Variants in LRP1B observed in about 807,000 individuals in gnomAD.
LRP1B encodes the protein low-density lipoprotein receptor-related protein 1B.
LRP1B carries 217 observed loss-of-function variants against 556.6 expected under a neutral mutation model. That is an observed-to-expected ratio of 0.39 (90% CI 0.35 to 0.44). The LOEUF is 0.44. Ranked by LOEUF, LRP1B falls within the 20% of genes least tolerant of loss-of-function variation. The pLI is 1.00. For synonymous variants in LRP1B, 2,047 were observed against 1,865.8 expected (o/e 1.10, Z -2.50); for missense variants, 5,053 against 5,620.8 (o/e 0.90, Z 3.23).
rs187853977 is a variant in LRP1B, at chr2:141,149,459, C to G, written c.1013+38962G>C. On this transcript the variant is annotated intron_variant, in intron 7 of 90. Coordinates refer to ENST00000389484, the MANE Select transcript of LRP1B (RefSeq NM_018557.3). ...GAACTTAATCTTCTCAATGGTTTAC[C>G]TTTATTTCAAGTGAGAGAAGACGGT... is the stretch of plus-strand genomic sequence containing the variant. Among the ~76,000 whole-genome samples, 345 of 152,244 alleles carry G rather than the reference C, an allele frequency of 2.3e-3. 2 individuals carry two copies. The highest frequency in any genetic ancestry group is 7.6e-3 in the African/African-American group (314 of 41,558).
chr2:140,336,255 T>C (rs1461540340), intron 77 of LRP1B, among the ~76,000 whole-genome samples: 1 of 152,040 alleles, frequency 6.6e-6, no homozygotes, highest in Non-Finnish European at 1.5e-5. Flanking sequence ...CTATGAAATG[T>C]ATCCTTATTT....
chr2:142,053,696 C>T (rs760925437), intron 1 of LRP1B, among the ~76,000 whole-genome samples: 2 of 152,042 alleles, frequency 1.3e-5, no homozygotes, highest in African/African-American at 2.4e-5. Context: ...AGTAGTATTT[C>T]TGGAATTGTT....
At chr2:140,293,440 C>G (rs931796410) in intron 84 of LRP1B, among the ~76,000 whole-genome samples, 1 of 152,148 alleles carries the variant, frequency 6.6e-6, no homozygotes, top group Admixed American at 6.6e-5. Context: ...CCTCTCCTCC[C>G]TGGGCTGCTG....
intron 1 of LRP1B, among the ~76,000 whole-genome samples, chr2:141,881,682 GT>G (rs1698962250): frequency 1.3e-5 from 2 of 151,742 alleles, no homozygotes; most frequent in Admixed American, 1.3e-4. Context: ...AACATTGCAG[GT>G]TTAGAAAAAC....
intron 1 of LRP1B, among the ~76,000 whole-genome samples, chr2:141,969,612 C>T (rs1248906294): frequency 2.6e-5 from 4 of 151,502 alleles, no homozygotes; most frequent in African/African-American, 9.7e-5. Flanking sequence ...AATAGTATTC[C>T]ACTGTGTTTC....
intron 7 of LRP1B, among the ~76,000 whole-genome samples, chr2:141,094,493 A>G (rs1700246293): frequency 6.6e-6 from 1 of 152,160 alleles, no homozygotes; most frequent in African/African-American, 2.4e-5. Flanking sequence ...GGCACAAAGG[A>G]TTTTAAGTGA....
intron 2 of LRP1B, among the ~76,000 whole-genome samples, chr2:141,560,324 A>T (rs1048801013): frequency 6.6e-6 from 1 of 151,760 alleles, no homozygotes; most frequent in African/African-American, 2.4e-5. Flanking sequence ...AGAGGGTGTG[A>T]TACTTTTTAA....
chr2:141,327,346 G>A (rs1049197769), intron 3 of LRP1B, among the ~76,000 whole-genome samples: 3 of 152,132 alleles, frequency 2.0e-5, no homozygotes, highest in Admixed American at 1.3e-4. Flanking sequence ...TAGTGTAATC[G>A]TGCCAATGGT....
chr2:140,719,537 A>T (rs901920262), intron 35 of LRP1B, among the ~76,000 whole-genome samples: 2 of 152,080 alleles, frequency 1.3e-5, no homozygotes, highest in African/African-American at 4.8e-5. Flanking sequence ...TCTTGAACAT[A>T]TCTTTGTCAT....
At chr2:140,579,974 C>T (rs1488082851) in intron 43 of LRP1B, among the ~76,000 whole-genome samples, 1 of 152,184 alleles carries the variant, frequency 6.6e-6, no homozygotes, top group Non-Finnish European at 1.5e-5. Context: ...CCTATATATG[C>T]AAATGGAGAA....
intron 85 of LRP1B, 41 bp from the exon 86 acceptor site, chr2:140,270,387 G>C (rs1682403384): frequency 8.0e-7 from 1 of 1,248,448 alleles, no homozygotes; most frequent in African/African-American, 1.5e-5. Flanking sequence ...CATTGTTATT[G>C]GCAACATTAT....
At chr2:140,326,850 T>C (rs1680513636) in intron 79 of LRP1B, among the ~76,000 whole-genome samples, 1 of 152,144 alleles carries the variant, frequency 6.6e-6, no homozygotes, top group Non-Finnish European at 1.5e-5. Flanking sequence ...TAATACACAG[T>C]AAAAATAATA....
intron 43 of LRP1B, among the ~76,000 whole-genome samples, chr2:140,554,046 G>T (rs2105058510): frequency 6.6e-6 from 1 of 152,216 alleles, no homozygotes; most frequent in African/African-American, 2.4e-5. Context: ...ACACCAGAGA[G>T]TAGTAGTGGA....
rs545199664 is a variant in LRP1B, at chr2:141,951,351, C to T, written c.83-140950G>A. ...CTCACATTCCTCCCAATCTCCCCAA[C>T]TCCGAGTCCCCAAAGTCCGCTATAT... On this transcript the variant is annotated intron_variant, in intron 1 of 90. Transcript: ENST00000389484. 4.6e-5 allele frequency among the ~76,000 whole-genome samples: 7 copies of T among 152,254 alleles called. No individual in the cohort carries two copies. In the South Asian group the frequency reaches 1.4e-3, roughly 32 times the overall value.
At chr2:141,421,355 C>T (rs1559061418) in intron 3 of LRP1B, among the ~76,000 whole-genome samples, 1 of 151,752 alleles carries the variant, frequency 6.6e-6, no homozygotes, top group Admixed American at 6.6e-5. Flanking sequence ...GGTGAAACCC[C>T]GTCTCTACTA....
At chr2:140,981,919 G>A (rs1696781221) in intron 18 of LRP1B, among the ~76,000 whole-genome samples, 1 of 152,100 alleles carries the variant, frequency 6.6e-6, no homozygotes, top group African/African-American at 2.4e-5. Context: ...AATAAAATCT[G>A]CAATGTTTAA....
At chr2:140,622,659 T>C (rs1053669075) in intron 41 of LRP1B, among the ~76,000 whole-genome samples, 9 of 152,176 alleles carry the variant, frequency 5.9e-5, no homozygotes, top group Non-Finnish European at 1.0e-4. Flanking sequence ...TGTTCCTTAG[T>C]TGGCCATAAG....
intron 2 of LRP1B, among the ~76,000 whole-genome samples, chr2:141,639,776 C>A (rs1034411108): frequency 2.0e-5 from 3 of 152,022 alleles, no homozygotes; most frequent in African/African-American, 7.2e-5. Context: ...TAGTGAAGAT[C>A]GAAGCAAATA....
chr2:140,717,714 C>A (rs1403637959), intron 35 of LRP1B, among the ~76,000 whole-genome samples: 1 of 152,010 alleles, frequency 6.6e-6, no homozygotes, highest in Non-Finnish European at 1.5e-5. Context: ...AAGAATAAAT[C>A]CTTTAAGACC....
Sources: allele counts gnomAD v4.1 joint callset (sites outside exome capture counted in the v4.1 genomes callset), GRCh38; gene constraint gnomAD v4.1.1; transcripts MANE v1.5; gene names NCBI Gene and HGNC (gene_info 2026-07-23, HGNC 2026-07-21).